TMEM163: variants seen among roughly 807,000 people sequenced by gnomAD.
The protein encoded by TMEM163 is transmembrane protein 163.
A neutral mutation model predicts 29.3 loss-of-function variants in TMEM163; 17 were observed. The observed-to-expected ratio is 0.58, with a 90% CI of 0.40 to 0.87. The LOEUF (loss-of-function observed/expected upper bound fraction) is 0.87. TMEM163 is among the 40% of genes least tolerant of loss of function. TMEM163 has a pLI of 0.00. For synonymous variants in TMEM163, 157 were observed against 160.6 expected (o/e 0.98, Z 0.17); for missense variants, 303 against 381.5 (o/e 0.79, Z 1.71).
intron 4 of TMEM163, among the ~76,000 whole-genome samples, chr2:134,515,497 C>T (rs1680038843): frequency 6.6e-6 from 1 of 152,136 alleles, no homozygotes; most frequent in African/African-American, 2.4e-5. Flanking sequence ...AAGTAATTGA[C>T]TTAAATTATT....
intron 4 of TMEM163, among the ~76,000 whole-genome samples, chr2:134,538,904 A>G (rs1355935741): frequency 6.6e-6 from 1 of 152,146 alleles, no homozygotes; most frequent in Non-Finnish European, 1.5e-5. Flanking sequence ...ATGTTCTGAA[A>G]TAGACTGTGG....
At chr2:134,504,244 T>G (rs1428331343) in intron 4 of TMEM163, among the ~76,000 whole-genome samples, 1 of 152,186 alleles carries the variant, frequency 6.6e-6, no homozygotes, top group Non-Finnish European at 1.5e-5. Flanking sequence ...CTGCTTGGAT[T>G]CCACTCAGCT....
chr2:134,687,497 C>T (rs1292442042), intron 2 of TMEM163, among the ~76,000 whole-genome samples: 1 of 152,138 alleles, frequency 6.6e-6, no homozygotes, highest in Non-Finnish European at 1.5e-5. Flanking sequence ...TCTGCATATA[C>T]AATTTCAACA....
chr2:134,524,875 G>A (rs984189352), intron 4 of TMEM163, among the ~76,000 whole-genome samples: 1 of 150,188 alleles, frequency 6.7e-6, no homozygotes, highest in Admixed American at 6.6e-5. Context: ...ATTTCTTTGG[G>A]TATATACCCA....
intron 2 of TMEM163, among the ~76,000 whole-genome samples, chr2:134,647,061 G>A (rs1210377190): frequency 1.3e-5 from 2 of 152,144 alleles, no homozygotes; most frequent in Non-Finnish European, 2.9e-5. Flanking sequence ...GACAGGCTCG[G>A]GAAATCCAGA....
intron 2 of TMEM163, among the ~76,000 whole-genome samples, chr2:134,690,080 A>G (rs892790546): frequency 4.6e-5 from 7 of 151,852 alleles, no homozygotes; most frequent in Non-Finnish European, 7.4e-5. Flanking sequence ...ACAGGCACGC[A>G]CCACCATGCC....
chr2:134,641,117 A>G (rs535375522), intron 2 of TMEM163, among the ~76,000 whole-genome samples: 1 of 152,360 alleles, frequency 6.6e-6, no homozygotes, highest in Non-Finnish European at 1.5e-5. Flanking sequence ...TTCAGTAGTA[A>G]TCAAAATTGA....
chr2:134,708,768 T>G (rs1684869252), intron 2 of TMEM163, among the ~76,000 whole-genome samples: 1 of 151,984 alleles, frequency 6.6e-6, no homozygotes, highest in Admixed American at 6.6e-5. Context: ...TGTATATTTT[T>G]TAGTAGAGAC....
chr2:134,557,488 T>C (rs1486643939), intron 2 of TMEM163, among the ~76,000 whole-genome samples: 4 of 152,186 alleles, frequency 2.6e-5, no homozygotes, highest in African/African-American at 9.7e-5. Flanking sequence ...TTATACATTT[T>C]AGGGAGACAT....
intron 2 of TMEM163, among the ~76,000 whole-genome samples, chr2:134,699,854 A>G (rs1021113192): frequency 6.6e-6 from 1 of 152,172 alleles, no homozygotes; most frequent in Non-Finnish European, 1.5e-5. Context: ...ACTTTTGTTT[A>G]TATGGTAACA....
chr2:134,513,969 C>T (rs1044634704), intron 4 of TMEM163, among the ~76,000 whole-genome samples: 20 of 152,336 alleles, frequency 1.3e-4, no homozygotes, highest in African/African-American at 4.1e-4. Context: ...CTGTAGCAGG[C>T]GGGCTGTCTT....
At position 134,561,399 on chromosome 2, in the gene TMEM163, A is replaced by G. The variant is rs569088153; in HGVS notation, c.323-9308T>C. 2.7e-5 allele frequency among the ~76,000 whole-genome samples: 4 copies of G among 149,196 alleles called. No homozygotes were observed. In the South Asian group the frequency reaches 8.5e-4, roughly 32 times the overall value. ...TTTTGTATTTTTTTTTAGTGGAGAC[A>G]GGGTTTCACCGTGTTAGCCAGAATG... On this transcript the variant is annotated intron_variant, in intron 2 of 7. Transcript: ENST00000281924.
intron 2 of TMEM163, among the ~76,000 whole-genome samples, chr2:134,696,735 C>T (rs1263414082): frequency 3.9e-5 from 6 of 152,124 alleles, no homozygotes; most frequent in Admixed American, 2.0e-4. Flanking sequence ...TTCTACCCAT[C>T]CCCAGCAGCT....
At chr2:134,676,447 A>G (rs1423342539) in intron 2 of TMEM163, among the ~76,000 whole-genome samples, 1 of 152,206 alleles carries the variant, frequency 6.6e-6, no homozygotes, top group Non-Finnish European at 1.5e-5. Context: ...TTAGTACTGC[A>G]GTAGATATAG....
At chr2:134,589,240 G>A (rs1396988610) in intron 2 of TMEM163, among the ~76,000 whole-genome samples, 1 of 152,192 alleles carries the variant, frequency 6.6e-6, no homozygotes, top group Middle Eastern at 3.2e-3. Context: ...AAGAAGAATT[G>A]TTAAAGGCAT....
intron 4 of TMEM163, among the ~76,000 whole-genome samples, chr2:134,536,840 C>T (rs1205692727): frequency 6.6e-6 from 1 of 152,132 alleles, no homozygotes; most frequent in Non-Finnish European, 1.5e-5. Flanking sequence ...GCTGTAAGAG[C>T]CATAGCTCTA....
Position 134,713,328 on chromosome 2 carries a change from A to G in TMEM163, c.203-9T>C. 6.2e-7 allele frequency: 1 copy of G among 1,613,172 alleles called. No individual in the cohort carries two copies. Among genetic ancestry groups the G allele is most frequent in the Admixed American group, 1.7e-5 (1 of 59,772 alleles). On this transcript the variant is annotated splice_polypyrimidine_tract_variant and intron_variant, in intron 1 of 7. Transcript: ENST00000281924. ...GCTGCTTTCTAGTAAGCCTGACAAA[A>G]ACAAGGAGAAAGGGAAGTTAGACAT...
At chr2:134,643,108 A>G (rs914458360) in intron 2 of TMEM163, among the ~76,000 whole-genome samples, 6 of 152,114 alleles carry the variant, frequency 3.9e-5, no homozygotes, top group Non-Finnish European at 7.4e-5. Context: ...AGCAATGCTG[A>G]CACAAAAAGA....
In TMEM163 at chr2:134,625,674, T is replaced by C. The variant is rs142309053; in HGVS notation, c.323-73583A>G. On this transcript the variant is annotated intron_variant, in intron 2 of 7. Transcript: ENST00000281924. The stretch of plus-strand genomic sequence containing the variant: ...CCTGACTGGCTGAAAATATCACCTA[T>C]TGAAAAGATACAGCATTGCCTATGT... Among the ~76,000 whole-genome samples, 32 of 152,324 alleles carry C rather than the reference T, an allele frequency of 2.1e-4. No individual in the cohort carries two copies. In the East Asian group the frequency reaches 6.2e-3, roughly 29 times the overall value.
Sources: allele counts gnomAD v4.1 joint callset (sites outside exome capture counted in the v4.1 genomes callset), GRCh38; gene constraint gnomAD v4.1.1; transcripts MANE v1.5; gene names NCBI Gene and HGNC (gene_info 2026-07-23, HGNC 2026-07-21).